Variants in RAB28 observed in about 807,000 individuals in gnomAD.
RAB28 encodes ras-related protein Rab-28.
RAB28 carries 24 observed loss-of-function variants against 31.7 expected under a neutral mutation model. The observed-to-expected ratio is 0.76, with a 90% confidence interval of 0.55 to 1.06. The LOEUF (loss-of-function observed/expected upper bound fraction) is 1.06. RAB28 is among the 50% of genes least tolerant of loss of function. The pLI is 0.00. For synonymous variants in RAB28, 100 were observed against 90.4 expected (o/e 1.11, Z -0.60); for missense variants, 254 against 258.5 (o/e 0.98, Z 0.12).
intron 3 of RAB28, among the ~76,000 whole-genome samples, chr4:13,464,669 G>A (rs1715757717): frequency 6.6e-6 from 1 of 152,020 alleles, no homozygotes; most frequent in African/African-American, 2.4e-5. Context: ...CAATGCCTCT[G>A]GCACCCACAG....
intron 4 of RAB28, among the ~76,000 whole-genome samples, chr4:13,439,783 C>T (rs146178066): frequency 6.6e-6 from 1 of 152,236 alleles, no homozygotes; most frequent in East Asian, 1.9e-4. Flanking sequence ...GTTACATGAG[C>T]ATATTGCATA....
intron 3 of RAB28, among the ~76,000 whole-genome samples, chr4:13,469,477 T>C (rs368064064): frequency 1.1e-4 from 17 of 152,108 alleles, no homozygotes; most frequent in African/African-American, 2.9e-4. Flanking sequence ...TCTTCAACAA[T>C]AGTTTCCTTC....
Position 13,368,206 on chromosome 4 carries a change from G to A in RAB28, c.*352C>T, listed in dbSNP as rs1329136386. The A allele has an allele frequency of 2.0e-6, 2 of 993,806 alleles. No homozygotes were observed. The highest frequency in any genetic ancestry group is 1.7e-5 in the African/African-American group (1 of 57,528). 61.6% of individuals were successfully genotyped at this position (993,806 alleles called of 1,614,324 possible). A position where few individuals can be genotyped will look rare whatever the true frequency, so the allele number is the denominator to read the frequency against. ...ATGAAATTGCTGTGGCAAAATCCTG[G>A]CTGATGATCAAGACTTGGAGAGTTT... is the stretch of plus-strand genomic sequence containing the variant. On this transcript the variant is annotated 3_prime_UTR_variant, in exon 7 of 7. Coordinates refer to ENST00000330852, the MANE Select transcript of RAB28 (RefSeq NM_001017979.3).
chr4:13,404,897 C>T (rs762562055), intron 4 of RAB28, among the ~76,000 whole-genome samples: 16 of 144,120 alleles, frequency 1.1e-4, no homozygotes, highest in Non-Finnish European at 1.5e-4. Context: ...CATTTTGTTT[C>T]GTTTTTGTTA....
intron 5 of RAB28, among the ~76,000 whole-genome samples, chr4:13,378,428 T>A (rs531798563): frequency 5.7e-4 from 87 of 152,132 alleles, no homozygotes; most frequent in Non-Finnish European, 1.1e-3. Flanking sequence ...AAAAGTCTGC[T>A]GGAACTGGAA....
At chr4:13,463,107 T>G (rs992434954) in intron 3 of RAB28, among the ~76,000 whole-genome samples, 2 of 152,194 alleles carry the variant, frequency 1.3e-5, no homozygotes, top group African/African-American at 2.4e-5. Flanking sequence ...AATTGTAGAT[T>G]TTTCTTGTTA....
intron 6 of RAB28, among the ~76,000 whole-genome samples, chr4:13,375,794 C>CACACAG (rs71648135): frequency 9.4e-5 from 14 of 148,212 alleles, no homozygotes; most frequent in African/African-American, 3.3e-4. Flanking sequence ...CACACACACA[C>CACACAG]AGAGAGAGAG....
At chr4:13,374,797 T>A (rs1036258606) in intron 6 of RAB28, among the ~76,000 whole-genome samples, 2 of 152,090 alleles carry the variant, frequency 1.3e-5, no homozygotes, top group Non-Finnish European at 2.9e-5. Flanking sequence ...TCCAACGACA[T>A]ATAAAAATAT....
intron 4 of RAB28, among the ~76,000 whole-genome samples, chr4:13,422,066 AC>A (rs1386559162): frequency 3.3e-5 from 5 of 151,964 alleles, no homozygotes; most frequent in Non-Finnish European, 7.4e-5. Context: ...AAAAAAAAAA[AC>A]AACCCCATCA....
intron 4 of RAB28, among the ~76,000 whole-genome samples, chr4:13,410,181 T>C (rs1712352813): frequency 6.6e-6 from 1 of 152,202 alleles, no homozygotes; most frequent in African/African-American, 2.4e-5. Context: ...TTAAACCTCT[T>C]TTCTTTATAA....
intron 4 of RAB28, among the ~76,000 whole-genome samples, chr4:13,385,611 T>C (rs1481545146): frequency 6.6e-6 from 1 of 151,980 alleles, no homozygotes. Context: ...AGAAATAAGA[T>C]CCTTTTCAGA....
In RAB28 at chr4:13,368,480, A is replaced by C; in HGVS notation, c.*78T>G. 6.7e-7 allele frequency: 1 copy of C among 1,501,518 alleles called. No homozygotes were observed. Among genetic ancestry groups the C allele is most frequent in the Non-Finnish European group, 8.8e-7 (1 of 1,131,128 alleles). The allele number at this position is 1,501,518 out of a possible 1,614,324, so 93.0% of individuals were successfully genotyped here. On this transcript the variant is annotated 3_prime_UTR_variant, in exon 7 of 7. Transcript: ENST00000330852. ...TGAACTACAGAGATGGTCACTGATA[A>C]AACAAGTTCCTAGAAGTCCTCGGGC... is the stretch of plus-strand genomic sequence containing the variant.
intron 4 of RAB28, among the ~76,000 whole-genome samples, chr4:13,423,640 C>G (rs1412989894): frequency 2.0e-5 from 3 of 152,136 alleles, no homozygotes; most frequent in Non-Finnish European, 4.4e-5. Context: ...TACAATGGGA[C>G]AGTTGATGAG....
chr4:13,396,282 C>G (rs372606584), intron 4 of RAB28, among the ~76,000 whole-genome samples: 2 of 151,828 alleles, frequency 1.3e-5, no homozygotes, highest in African/African-American at 4.8e-5. Flanking sequence ...TTCAAACAAA[C>G]GACTTGTCAC....
intron 6 of RAB28, 37 bp from the exon 7 acceptor site, chr4:13,368,687 C>A: frequency 6.4e-7 from 1 of 1,555,370 alleles, no homozygotes; most frequent in South Asian, 1.1e-5. Context: ...ATCAGGATAT[C>A]AGAACATTTA....
intron 4 of RAB28, among the ~76,000 whole-genome samples, chr4:13,447,350 GTCCTTT>G (rs1714751054): frequency 6.6e-6 from 1 of 152,028 alleles, no homozygotes; most frequent in South Asian, 2.1e-4. Context: ...TTCTTGATCT[GTCCTTT>G]TCCTAGATCC....
intron 4 of RAB28, among the ~76,000 whole-genome samples, chr4:13,410,248 C>G (rs1409545314): frequency 6.6e-6 from 1 of 152,018 alleles, no homozygotes; most frequent in Non-Finnish European, 1.5e-5. Flanking sequence ...AATATAGTAT[C>G]CCCATGAAAC....
chr4:13,450,515 C>T (rs1245299561), intron 4 of RAB28, among the ~76,000 whole-genome samples: 1 of 151,868 alleles, frequency 6.6e-6, no homozygotes, highest in African/African-American at 2.4e-5. Flanking sequence ...GCCATAAACA[C>T]TTATAATTCC....
intron 4 of RAB28, among the ~76,000 whole-genome samples, chr4:13,385,069 T>C (rs1039224642): frequency 7.2e-5 from 11 of 152,086 alleles, no homozygotes; most frequent in Non-Finnish European, 1.3e-4. Context: ...ATTCCAACTA[T>C]TAATAGCAGA....
Sources: gnomAD v4.1 joint callset for allele counts (sites outside exome capture counted in the v4.1 genomes callset) on GRCh38, gnomAD v4.1.1 for gene constraint, MANE v1.5 for transcripts, NCBI Gene and HGNC (gene_info 2026-07-23, HGNC 2026-07-21) for gene names.